The following ANKRD11 variants were observed in gnomAD, a reference collection of about 807,000 sequenced individuals.
ANKRD11 encodes the protein ankyrin repeat domain-containing protein 11.
In ANKRD11, 17 loss-of-function variants were observed where a neutral mutation model predicts 195.7. The observed-to-expected ratio is 0.09, with a 90% CI of 0.06 to 0.13. ANKRD11 has a LOEUF of 0.13. Among genes scored for constraint, ANKRD11 ranks in the 10% least tolerant of loss-of-function variants. The pLI is 1.00. For missense variants in ANKRD11, 3,735 were observed against 3,566.1 expected, an observed-to-expected ratio of 1.05 and a Z score of -1.21; for synonymous variants, 1,953 against 1,528.1, an observed-to-expected ratio of 1.28 and a Z score of -6.49.
intron 2 of ANKRD11, among the ~76,000 whole-genome samples, chr16:89,333,852 G>A (rs1351509297): frequency 1.3e-5 from 2 of 152,214 alleles, no homozygotes; most frequent in South Asian, 2.1e-4. Context: ...AGAAAGGGAC[G>A]GTATTATTCT....
intron 4 of ANKRD11, among the ~76,000 whole-genome samples, chr16:89,293,976 C>G (rs1236875431): frequency 1.3e-5 from 2 of 152,154 alleles, no homozygotes; most frequent in Non-Finnish European, 2.9e-5. Flanking sequence ...TTGTGGCAAA[C>G]AGAACATGTC....
At chr16:89,276,370 C>G (rs1450900397) in intron 9 of ANKRD11, among the ~76,000 whole-genome samples, 1 of 152,210 alleles carries the variant, frequency 6.6e-6, no homozygotes, top group South Asian at 2.1e-4. Flanking sequence ...GAGAAACAGC[C>G]TCACGCAGTC....
At chr16:89,407,955 T>A (rs1344938467) in intron 2 of ANKRD11, among the ~76,000 whole-genome samples, 1 of 152,078 alleles carries the variant, frequency 6.6e-6, no homozygotes, top group African/African-American at 2.4e-5. Flanking sequence ...ACTGATAAGT[T>A]TTTAAGTAAA....
intron 2 of ANKRD11, among the ~76,000 whole-genome samples, chr16:89,380,499 C>T (rs1003149425): frequency 2.6e-5 from 4 of 152,190 alleles, no homozygotes; most frequent in Admixed American, 2.6e-4. Context: ...CTCCAGAGAA[C>T]GACCAGCAGT....
intron 3 of ANKRD11, among the ~76,000 whole-genome samples, chr16:89,306,930 C>T (rs1051749417): frequency 2.2e-4 from 33 of 152,222 alleles, no homozygotes; most frequent in African/African-American, 8.0e-4. Flanking sequence ...CGCTACCTCC[C>T]AGGAGGGAGA....
intron 6 of ANKRD11, chr16:89,289,028 G>T (rs989681507): frequency 2.8e-6 from 1 of 351,050 alleles, no homozygotes; most frequent in African/African-American, 2.1e-5. Flanking sequence ...TGCAAAACAC[G>T]GAGGGGAAAC....
At chr16:89,462,226 C>G (rs2056703668) in intron 1 of ANKRD11, among the ~76,000 whole-genome samples, 1 of 152,206 alleles carries the variant, frequency 6.6e-6, no homozygotes, top group South Asian at 2.1e-4. Context: ...ATTGCAGGCT[C>G]ACGCCGCCAC....
At chr16:89,324,833 T>C (rs2151947341) in intron 2 of ANKRD11, 1 of 285,626 alleles carries the variant, frequency 3.5e-6, no homozygotes, top group Non-Finnish European at 6.9e-6. Context: ...GCTTCCTGGC[T>C]CCTCAGCTTG....
At chr16:89,311,625 C>A (rs1306571419) in intron 3 of ANKRD11, among the ~76,000 whole-genome samples, 1 of 152,184 alleles carries the variant, frequency 6.6e-6, no homozygotes, top group Non-Finnish European at 1.5e-5. Context: ...AACTATCAAA[C>A]TTACAGAACA....
At chr16:89,351,484 T>C (rs1283667850) in intron 2 of ANKRD11, among the ~76,000 whole-genome samples, 1 of 152,214 alleles carries the variant, frequency 6.6e-6, no homozygotes, top group Non-Finnish European at 1.5e-5. Context: ...GATTCTCATT[T>C]CATAAATATA....
intron 2 of ANKRD11, among the ~76,000 whole-genome samples, chr16:89,370,053 T>A (rs80118634): frequency 6.6e-6 from 1 of 152,188 alleles, no homozygotes; most frequent in African/African-American, 2.4e-5. Flanking sequence ...AACGCAAACC[T>A]TCTGGCTTCA....
chr16:89,456,258 G>T (rs1038358269), intron 1 of ANKRD11, among the ~76,000 whole-genome samples: 1 of 150,786 alleles, frequency 6.6e-6, no homozygotes, highest in Non-Finnish European at 1.5e-5. Flanking sequence ...AAGGGGGGGT[G>T]GAAACGGGGG....
intron 2 of ANKRD11, among the ~76,000 whole-genome samples, chr16:89,337,429 C>CTTTTTTTTTTTTTTTTTTTTTTT (rs1165680827): frequency 1.9e-5 from 1 of 53,118 alleles, no homozygotes; most frequent in Non-Finnish European, 3.2e-5. Flanking sequence ...CTAAGCAATT[C>CTTTTTTTTTTTTTTTTTTTTTTT]TTTTTTTTTT....
chr16:89,432,814 G>A (rs192555446), intron 1 of ANKRD11, among the ~76,000 whole-genome samples: 93 of 152,040 alleles, frequency 6.1e-4, no homozygotes, highest in African/African-American at 2.1e-3. Context: ...GGTGGTACAC[G>A]CCTGTGGTCC....
chr16:89,462,981 C>T (rs2056745848), intron 1 of ANKRD11, among the ~76,000 whole-genome samples: 1 of 151,302 alleles, frequency 6.6e-6, no homozygotes, highest in African/African-American at 2.4e-5. Flanking sequence ...AGGCCAGCCG[C>T]CCCGTCCGGG....
intron 2 of ANKRD11, among the ~76,000 whole-genome samples, chr16:89,325,457 TCTCTCTCTCTCTCACA>T (rs1294771199): frequency 3.7e-5 from 5 of 136,416 alleles, no homozygotes; most frequent in Non-Finnish European, 7.7e-5. Context: ...CTCCTCTCTC[TCTCTCTCTCTCTCACA>T]CACACACACA....
chr16:89,428,341 C>G (rs916113354), intron 1 of ANKRD11, among the ~76,000 whole-genome samples: 1 of 151,372 alleles, frequency 6.6e-6, no homozygotes, highest in Non-Finnish European at 1.5e-5. Context: ...CTGGCCAACA[C>G]GGTGAAACCC....
intron 6 of ANKRD11, chr16:89,288,946 T>C: frequency 1.8e-6 from 1 of 554,976 alleles, no homozygotes; most frequent in Non-Finnish European, 3.3e-6. Flanking sequence ...CCTAAAAGGG[T>C]AGGAAATCAG....
intron 2 of ANKRD11, among the ~76,000 whole-genome samples, chr16:89,413,766 C>G (rs1179312820): frequency 3.3e-5 from 5 of 152,214 alleles, no homozygotes; most frequent in Non-Finnish European, 7.3e-5. Context: ...AAACAGCCGA[C>G]AAGCTCCCCA....
Sources: gnomAD v4.1 joint callset for allele counts (sites outside exome capture counted in the v4.1 genomes callset) on GRCh38, gnomAD v4.1.1 for gene constraint, MANE v1.5 for transcripts, NCBI Gene and HGNC (gene_info 2026-07-23, HGNC 2026-07-21) for gene names.